Variants in TSHR observed in about 807,000 individuals in gnomAD.
The protein encoded by TSHR is thyrotropin receptor.
A neutral mutation model predicts 64.1 loss-of-function variants in TSHR; 51 were observed. The observed-to-expected ratio is 0.80, with a 90% CI of 0.64 to 1.01. TSHR has a LOEUF of 1.01. Among genes scored for constraint, TSHR ranks in the 50% least tolerant of loss-of-function variants. TSHR has a pLI of 0.00. For synonymous variants in TSHR, 361 were observed against 361.9 expected (o/e 1.00, Z 0.03); for missense variants, 877 against 942.8 (o/e 0.93, Z 0.91).
intron 1 of TSHR, chr14:81,014,510 C>T (rs1352217897): frequency 6.6e-6 from 1 of 152,266 alleles, no homozygotes; most frequent in African/African-American, 2.4e-5. Context: ...CAATTTCACC[C>T]CTTCTCCATC....
At chr14:81,067,599 T>C (rs1240700480) in intron 2 of TSHR, among the ~76,000 whole-genome samples, 1 of 149,118 alleles carries the variant, frequency 6.7e-6, no homozygotes, top group Non-Finnish European at 1.5e-5. Flanking sequence ...GTTCTCAACA[T>C]TGCCTACACA....
chr14:81,098,073 T>C (rs1595109033), intron 7 of TSHR, among the ~76,000 whole-genome samples: 1 of 152,330 alleles, frequency 6.6e-6, no homozygotes, highest in Middle Eastern at 3.4e-3. Flanking sequence ...AACATATTTA[T>C]TAGACACTTG....
rs1888279533 is a variant in TSHR at position 80,983,475 on chromosome 14, T to G, written c.170+27625T>G. 1.9e-5 allele frequency: 26 copies of G among 1,360,388 alleles called. No individual in the cohort carries two copies. The South Asian group carries it at 3.2e-4, about 17-fold the overall frequency. 84.3% of individuals were successfully genotyped at this position (1,360,388 alleles called of 1,614,324 possible). A position where few individuals can be genotyped will look rare whatever the true frequency, so the allele number is the denominator to read the frequency against. On this transcript the variant is annotated intron_variant, in intron 1 of 9. Coordinates refer to ENST00000298171, the MANE Select transcript of TSHR (RefSeq NM_000369.5). ...GGCACTGGCAGCATCAAAACTCATC[T>G]TTAACCATAAAGAGGCAAAAGCCAG... is the stretch of plus-strand genomic sequence containing the variant.
intron 7 of TSHR, chr14:81,104,564 G>C (rs1375277247): frequency 3.0e-6 from 3 of 985,272 alleles, no homozygotes; most frequent in Non-Finnish European, 1.2e-6. Flanking sequence ...CAACAATCAG[G>C]CTTTCATTCC....
rs186656217 is a variant in TSHR at position 80,972,120 on chromosome 14, C to T, written c.170+16270C>T. Among the ~76,000 whole-genome samples, 42 of 152,240 alleles carry T rather than the reference C, an allele frequency of 2.8e-4. 1 individual carries two copies. The highest frequency in any genetic ancestry group is 1.0e-3 in the African/African-American group (42 of 41,552). On this transcript the variant is annotated intron_variant, in intron 1 of 9. Transcript: ENST00000298171. ...AAGTATAAGCTATAATTACAAAACACCTAGTTCTTCAGTGTTTGGATTTAT... is the reference window on the plus strand; with the variant it reads ...AAGTATAAGCTATAATTACAAAACATCTAGTTCTTCAGTGTTTGGATTTAT...
At chr14:81,107,326 A>G (rs953144213) in intron 7 of TSHR, among the ~76,000 whole-genome samples, 3 of 152,176 alleles carry the variant, frequency 2.0e-5, no homozygotes, top group African/African-American at 4.8e-5. Context: ...GGTCTCTGCT[A>G]TATTCTTTTG....
chr14:81,136,049 A>G (rs1891443285), intron 8 of TSHR, among the ~76,000 whole-genome samples: 1 of 152,196 alleles, frequency 6.6e-6, no homozygotes, highest in African/African-American at 2.4e-5. Context: ...TTTGTCTGTA[A>G]GTGGCCTTAG....
chr14:81,087,052 T>C (rs150510679), intron 3 of TSHR, among the ~76,000 whole-genome samples: 424 of 152,364 alleles, frequency 2.8e-3, no homozygotes, highest in African/African-American at 9.7e-3. Flanking sequence ...CTACATACAA[T>C]GTTTGAAGTT....
intron 1 of TSHR, among the ~76,000 whole-genome samples, chr14:81,043,358 T>C (rs1885015506): frequency 6.6e-6 from 1 of 151,786 alleles, no homozygotes; most frequent in Non-Finnish European, 1.5e-5. Context: ...AAGAATAAAA[T>C]ACCTAAGAAT....
chr14:80,987,665 T>G (rs186961222), intron 1 of TSHR, among the ~76,000 whole-genome samples: 2 of 152,218 alleles, frequency 1.3e-5, no homozygotes, highest in East Asian at 1.9e-4. Flanking sequence ...ACATCGTCAA[T>G]GCTAACCTTG....
intron 1 of TSHR, among the ~76,000 whole-genome samples, chr14:80,961,641 G>A (rs2139687011): frequency 6.6e-6 from 1 of 152,250 alleles, no homozygotes; most frequent in African/African-American, 2.4e-5. Context: ...ATGTCCTTGG[G>A]AGCAGTTTCT....
chr14:81,059,760 A>C (rs1297094601), intron 1 of TSHR, among the ~76,000 whole-genome samples: 1 of 152,146 alleles, frequency 6.6e-6, no homozygotes, highest in Non-Finnish European at 1.5e-5. Context: ...TGGTAAAAAA[A>C]ATCTGGCTGG....
At chr14:81,108,731 C>T in intron 8 of TSHR, 1 of 1,612,706 alleles carries the variant, frequency 6.2e-7, no homozygotes, top group Middle Eastern at 1.7e-4. Context: ...AGGCTCTGTT[C>T]ATGGAGCAGC....
chr14:81,140,156 A>G (rs1891627126), intron 9 of TSHR, among the ~76,000 whole-genome samples: 1 of 152,226 alleles, frequency 6.6e-6, no homozygotes, highest in South Asian at 2.1e-4. Flanking sequence ...GAGGTTATGT[A>G]GATATGATGT....
chr14:81,038,347 G>C (rs1397224561), intron 1 of TSHR, among the ~76,000 whole-genome samples: 2 of 150,486 alleles, frequency 1.3e-5, no homozygotes, highest in East Asian at 3.9e-4. Context: ...TTCTAAGAGG[G>C]AAGTTTATAG....
At chr14:81,059,080 A>G (rs1181719806) in intron 1 of TSHR, among the ~76,000 whole-genome samples, 12 of 152,292 alleles carry the variant, frequency 7.9e-5, no homozygotes, top group Non-Finnish European at 5.9e-5. Flanking sequence ...GGGGGTCATG[A>G]GGCATCCACA....
At position 81,011,492 on chromosome 14, in the gene TSHR, T is replaced by G. The variant is rs72695038; in HGVS notation, c.171-50656T>G. On this transcript the variant is annotated intron_variant, in intron 1 of 9. Transcript: ENST00000298171. ...TTCTTTTAAGTTATTTTTTCAAATT[T>G]GTACAGTATTTATAGTTGTCGCTTC... Among the ~76,000 whole-genome samples, 1,006 of 152,258 alleles carry G rather than the reference T, an allele frequency of 6.6e-3. 27 individuals are homozygous for G. In the East Asian group the frequency reaches 0.087, roughly 13 times the overall value.
At chr14:80,995,975 T>A (rs1888997362) in intron 1 of TSHR, among the ~76,000 whole-genome samples, 1 of 152,184 alleles carries the variant, frequency 6.6e-6, no homozygotes, top group Non-Finnish European at 1.5e-5. Flanking sequence ...TCGACACTCC[T>A]AAACCCCTCC....
chr14:80,992,590 C>T (rs1372736914), intron 1 of TSHR: 3 of 151,788 alleles, frequency 2.0e-5, no homozygotes, highest in Admixed American at 2.0e-4. Context: ...TTTCATATGA[C>T]CCCCCCAAAC....
Sources: gnomAD v4.1 joint callset for allele counts (sites outside exome capture counted in the v4.1 genomes callset) on GRCh38, gnomAD v4.1.1 for gene constraint, MANE v1.5 for transcripts, NCBI Gene and HGNC (gene_info 2026-07-23, HGNC 2026-07-21) for gene names.